The following MYO18B variants were observed in gnomAD, a reference collection of about 807,000 sequenced individuals.
MYO18B encodes unconventional myosin-XVIIIb.
Under a neutral mutation model 273.0 loss-of-function variants are expected in MYO18B, and 204 were observed. The ratio of observed to expected loss-of-function variants is 0.75; its 90% CI spans 0.67 to 0.84. MYO18B has a LOEUF of 0.84. Among genes scored for constraint, MYO18B ranks in the 40% least tolerant of loss-of-function variants. The probability of loss-of-function intolerance (pLI) is 0.00; values close to 1 mark genes in which losing one functional copy is unlikely to be tolerated. For missense variants in MYO18B, 3,212 were observed against 3,287.6 expected, an observed-to-expected ratio of 0.98 and a Z score of 0.56; for synonymous variants, 1,330 against 1,305.7, an observed-to-expected ratio of 1.02 and a Z score of -0.40.
At chr22:26,014,473 C>T (rs1393118863) in intron 42 of MYO18B, among the ~76,000 whole-genome samples, 1 of 152,198 alleles carries the variant, frequency 6.6e-6, no homozygotes, top group Non-Finnish European at 1.5e-5. Flanking sequence ...TATTCACCTT[C>T]AGTGTATTTC....
At chr22:26,052,352 G>A in the MYO18B span, among the ~76,000 whole-genome samples, 28 of 152,056 alleles carry the variant, frequency 1.8e-4, no homozygotes, top group African/African-American at 6.3e-4. Flanking sequence ...CCAATTTATT[G>A]GGCTGGTTAC....
chr22:25,768,043 G>A (rs1008128115), intron 3 of MYO18B, 72 bp from the exon 4 acceptor site: 31 of 1,304,030 alleles, frequency 2.4e-5, no homozygotes, highest in Middle Eastern at 1.9e-4. Context: ...ATGAATGAAC[G>A]AACACGAGTG....
At chr22:25,857,465 T>G (rs1353706065) in intron 21 of MYO18B, among the ~76,000 whole-genome samples, 2 of 141,488 alleles carry the variant, frequency 1.4e-5, no homozygotes, top group Non-Finnish European at 3.1e-5. Flanking sequence ...CACTCCCAGT[T>G]TCCTGTGAAT....
At chr22:25,867,570 T>C (rs921458010) in intron 21 of MYO18B, among the ~76,000 whole-genome samples, 2 of 152,224 alleles carry the variant, frequency 1.3e-5, no homozygotes, top group African/African-American at 4.8e-5. Context: ...GGGTATTGAG[T>C]ATAATGCTGC....
intron 31 of MYO18B, among the ~76,000 whole-genome samples, chr22:25,906,314 A>T (rs1301905742): frequency 6.6e-6 from 1 of 152,192 alleles, no homozygotes; most frequent in Non-Finnish European, 1.5e-5. Flanking sequence ...TTACTTGCTC[A>T]GGCTCCTTGG....
intron 21 of MYO18B, among the ~76,000 whole-genome samples, chr22:25,854,994 C>T (rs2090525393): frequency 1.3e-5 from 2 of 152,120 alleles, no homozygotes; most frequent in Admixed American, 1.3e-4. Flanking sequence ...TTTGTTGTAA[C>T]AAACTTGTGT....
intron 39 of MYO18B, among the ~76,000 whole-genome samples, chr22:25,977,181 T>C (rs1166242491): frequency 6.6e-6 from 1 of 152,200 alleles, no homozygotes; most frequent in African/African-American, 2.4e-5. Context: ...ATCCGTGCTG[T>C]TTCTCCCCGG....
intron 34 of MYO18B, among the ~76,000 whole-genome samples, chr22:25,927,221 G>A (rs545129555): frequency 1.4e-4 from 21 of 152,310 alleles, no homozygotes; most frequent in Non-Finnish European, 2.2e-4. Flanking sequence ...TCTGACTGCC[G>A]GTGAGCCGGG....
intron 42 of MYO18B, among the ~76,000 whole-genome samples, chr22:26,008,074 A>G (rs969578136): frequency 6.6e-6 from 1 of 152,222 alleles, no homozygotes; most frequent in Non-Finnish European, 1.5e-5. Context: ...ATAAATTTTT[A>G]CAATATACTT....
chr22:26,013,514 T>A (rs1224609580), intron 42 of MYO18B, among the ~76,000 whole-genome samples: 2 of 152,218 alleles, frequency 1.3e-5, no homozygotes, highest in Admixed American at 1.3e-4. Context: ...CTTGTACACA[T>A]CTTTTGTTGC....
intron 29 of MYO18B, among the ~76,000 whole-genome samples, chr22:25,902,162 T>C (rs1305233944): frequency 6.6e-6 from 1 of 152,158 alleles, no homozygotes; most frequent in African/African-American, 2.4e-5. Flanking sequence ...TCCTTTATTC[T>C]ATATCTGTAT....
At chr22:26,001,820 C>T (rs1395933386) in intron 40 of MYO18B, among the ~76,000 whole-genome samples, 1 of 152,210 alleles carries the variant, frequency 6.6e-6, no homozygotes, top group African/African-American at 2.4e-5. Flanking sequence ...ATGCCGAGTC[C>T]ACCCGTGGGG....
chr22:25,951,336 C>T (rs1164833133), intron 37 of MYO18B, among the ~76,000 whole-genome samples: 1 of 152,196 alleles, frequency 6.6e-6, no homozygotes, highest in African/African-American at 2.4e-5. Flanking sequence ...TTTTATTCAT[C>T]AGTTCATTCA....
At chr22:25,955,144 A>G (rs780507397) in intron 38 of MYO18B, 35 bp from the exon 39 acceptor site, 5 of 1,539,290 alleles carry the variant, frequency 3.2e-6, no homozygotes, top group East Asian at 2.3e-5. Flanking sequence ...CTGGCCTCCA[A>G]CTCCAAGGTG....
At chr22:25,752,974 C>T (rs550712149) in intron 1 of MYO18B, among the ~76,000 whole-genome samples, 2 of 152,326 alleles carry the variant, frequency 1.3e-5, no homozygotes, top group Non-Finnish European at 2.9e-5. Context: ...TGCGCTGGGT[C>T]CCCCAGCACT....
chr22:25,964,480 A>G (rs2092955779), intron 39 of MYO18B, among the ~76,000 whole-genome samples: 1 of 152,180 alleles, frequency 6.6e-6, no homozygotes, highest in Non-Finnish European at 1.5e-5. Flanking sequence ...AAAAATTAAT[A>G]ATATATGTTA....
intron 39 of MYO18B, among the ~76,000 whole-genome samples, chr22:25,986,831 G>T (rs1260459360): frequency 6.6e-6 from 1 of 151,942 alleles, no homozygotes; most frequent in East Asian, 1.9e-4. Context: ...CTATGTGCCA[G>T]ATGCTGGAAA....
intron 39 of MYO18B, among the ~76,000 whole-genome samples, chr22:25,968,826 T>C (rs2093006323): frequency 6.6e-6 from 1 of 152,182 alleles, no homozygotes; most frequent in Non-Finnish European, 1.5e-5. Context: ...TTTAAAGCTC[T>C]TTCTGCTGAG....
In MYO18B at chr22:25,832,945, C is replaced by T. The variant is rs749096808; in HGVS notation, c.3008C>T (p.Pro1003Leu). 1.2e-5 allele frequency: 19 copies of T among 1,613,666 alleles called. No homozygotes were observed. Among genetic ancestry groups the T allele is most frequent in the East Asian group, 4.5e-5 (2 of 44,880 alleles). ...EEGVPVQFDL[P>L]DPSPGTTVAV... ...GGTGTTCCTGTGCAGTTTGACCTCCCGGACCCCTCCCCAGGGACCACCGTG... is the reference window on the plus strand; with the variant it reads ...GGTGTTCCTGTGCAGTTTGACCTCCTGGACCCCTCCCCAGGGACCACCGTG... Residue 1003 changes from proline (P) to leucine (L), a missense_variant, in exon 16 of 44, where the codon CCG becomes CTG. Coordinates refer to ENST00000335473, the MANE Select transcript of MYO18B (RefSeq NM_032608.7).
Sources: gnomAD v4.1 joint callset for allele counts (sites outside exome capture counted in the v4.1 genomes callset) on GRCh38, gnomAD v4.1.1 for gene constraint, MANE v1.5 for transcripts, NCBI Gene and HGNC (gene_info 2026-07-23, HGNC 2026-07-21) for gene names.